The following LPCAT3 variants were observed in gnomAD, a reference collection of about 807,000 sequenced individuals.
The protein encoded by LPCAT3 is lysophosphatidylcholine acyltransferase 3, also known as lysophospholipid acyltransferase 5.
LPCAT3 carries 21 observed loss-of-function variants against 63.4 expected under a neutral mutation model. The ratio of observed to expected loss-of-function variants is 0.33; its 90% CI spans 0.23 to 0.48. The LOEUF is 0.48. Among genes scored for constraint, LPCAT3 ranks in the 20% least tolerant of loss-of-function variants. LPCAT3 has a pLI of 0.99. For missense variants in LPCAT3, 451 were observed against 590.6 expected (o/e 0.76, Z 2.45); for synonymous variants, 242 against 227.5 (o/e 1.06, Z -0.58).
intron 1 of LPCAT3, among the ~76,000 whole-genome samples, chr12:7,014,140 C>T (rs1946782752): frequency 6.6e-6 from 1 of 152,218 alleles, no homozygotes; most frequent in Non-Finnish European, 1.5e-5. Flanking sequence ...TCACAAAGCT[C>T]TGTACCTCTC....
chr12:6,979,419 C>T (rs1946446574), intron 7 of LPCAT3, 52 bp downstream of exon 7: 13 of 1,339,042 alleles, frequency 9.7e-6, no homozygotes, highest in Non-Finnish European at 1.4e-5. Flanking sequence ...CTTGCCTGTC[C>T]ATTTTCTAGC....
chr12:6,982,983 T>A, intron 2 of LPCAT3: 1 of 641,472 alleles, frequency 1.6e-6, no homozygotes, highest in African/African-American at 1.8e-5. Flanking sequence ...TTCTTTTCTT[T>A]TTTTGTTTGT....
At chr12:6,982,619 C>G in intron 3 of LPCAT3, 57 bp downstream of exon 3, 1 of 1,322,268 alleles carries the variant, frequency 7.6e-7, no homozygotes, top group Non-Finnish European at 1.1e-6. Context: ...CCTGCCTACC[C>G]CTGTCCCCTG....
At position 6,985,924 on chromosome 12, in the gene LPCAT3, G is replaced by A. The variant is rs992603417; in HGVS notation, c.152-2385C>T. ...CAAGTAGCTGGGATTACAGGTGCCC[G>A]CCACCATGCCCAGTGAATTTTTGTA... is the stretch of plus-strand genomic sequence containing the variant. On this transcript the variant is annotated intron_variant, in intron 1 of 12. Transcript: ENST00000261407. Among the ~76,000 whole-genome samples the A allele has an allele frequency of 1.9e-4, 29 of 151,688 alleles. No individual in the cohort carries two copies. In the East Asian group the frequency reaches 4.3e-3, roughly 23 times the overall value.
chr12:6,978,970 G>A (rs1555153696), intron 7 of LPCAT3: 2 of 419,986 alleles, frequency 4.8e-6, no homozygotes, highest in East Asian at 8.7e-5. Context: ...TTTGGAATGA[G>A]CATTTGGAAT....
rs1946788543 is a variant in LPCAT3 at position 7,014,936 on chromosome 12, T to G, written c.151+3338A>C. Among the ~76,000 whole-genome samples the G allele has an allele frequency of 2.0e-5, 3 of 151,614 alleles. No individual in the cohort carries two copies. The South Asian group carries it at 6.2e-4, about 31-fold the overall frequency. ...AAAATTGCAGCCTCTAACTCAAGAT[T>G]TTTCAAACTGTTGTAACTCATTAAC... On this transcript the variant is annotated intron_variant, in intron 1 of 12. Transcript: ENST00000261407.
chr12:7,011,647 C>CAAAAAAAAAAAA, intron 1 of LPCAT3, among the ~76,000 whole-genome samples: 1 of 75,732 alleles, frequency 1.3e-5, no homozygotes, highest in Non-Finnish European at 2.7e-5. Flanking sequence ...CACCATGTCT[C>CAAAAAAAAAAAA]AAAAAAAAAA....
At position 6,982,790 on chromosome 12, in the gene LPCAT3, CAAG is replaced by C; in HGVS notation, c.260-11_260-9del. On this transcript the variant is annotated splice_polypyrimidine_tract_variant and intron_variant, in intron 2 of 12. Coordinates refer to ENST00000261407, the MANE Select transcript of LPCAT3 (RefSeq NM_005768.6). ...AGTGGTAGAGCTGGTTTCCTGGATG[CAAG>C]AAGAGAGAATTTAGCCTGGTTTTTA... 1 of 1,592,584 alleles carries C rather than the reference CAAG, an allele frequency of 6.3e-7. No individual in the cohort carries two copies. Among genetic ancestry groups the C allele is most frequent in the Non-Finnish European group, 8.6e-7 (1 of 1,160,958 alleles).
intron 1 of LPCAT3, among the ~76,000 whole-genome samples, chr12:7,000,317 C>T (rs934277602): frequency 4.0e-5 from 6 of 151,494 alleles, no homozygotes; most frequent in South Asian, 2.1e-4. Flanking sequence ...TTTGGCCGGG[C>T]GCGGTGGCTC....
chr12:6,979,818 A>G, intron 6 of LPCAT3: 1 of 545,084 alleles, frequency 1.8e-6, no homozygotes. Flanking sequence ...CAGACAGTGG[A>G]CCAGTCTTGT....
At chr12:7,004,365 T>C (rs1364876207) in intron 1 of LPCAT3, among the ~76,000 whole-genome samples, 1 of 152,150 alleles carries the variant, frequency 6.6e-6, no homozygotes, top group Non-Finnish European at 1.5e-5. Context: ...GTAAACACTT[T>C]GTATGTATTA....
rs1555153595 is a variant in LPCAT3 at position 6,978,387 on chromosome 12, C to T, written c.994G>A (p.Gly332Ser). ...TTGATGTTGAATGAGGCAATGGTGC[C>T]AGTGAAGCGGGGGTTTGTTTCAAAG... ...WLFETNPRFT[G>S]TIASFNINTN... The change falls in exon 9 of 13, where the codon GGC (glycine) becomes AGC (serine). Residue 332 changes from glycine (G) to serine (S), a missense_variant. Transcript: ENST00000261407. 1 of 1,613,560 alleles carries T rather than the reference C, an allele frequency of 6.2e-7. No individual in the cohort carries two copies. Among genetic ancestry groups the T allele is most frequent in the East Asian group, 2.2e-5 (1 of 44,880 alleles).
chr12:6,978,456 C>T lies in LPCAT3; in HGVS notation c.925G>A (p.Gly309Ser). 1 of 1,614,126 alleles carries T rather than the reference C, an allele frequency of 6.2e-7. No individual in the cohort carries two copies. The highest frequency in any genetic ancestry group is 8.5e-7 in the Non-Finnish European group (1 of 1,180,010). ...GCACAGGCATCCCACTTTGCCTTGC[C>T]CTTTTCTTCAAAGCCATTGAAGCCC... ...GLGFNGFEEKGKAKWDACANM... is the reference protein window; with the variant it reads ...GLGFNGFEEKSKAKWDACANM... The change falls in exon 9 of 13, where the codon GGC becomes AGC. Residue 309 changes from glycine (G) to serine (S), a missense_variant. Physicochemically the swap from Gly to Ser is moderately conservative, Grantham distance 56 (BLOSUM62 0). Transcript: ENST00000261407.
At position 6,977,936 on chromosome 12, in the gene LPCAT3, G is replaced by A. The variant is rs1446123956; in HGVS notation, c.1041-191C>T. The A allele has an allele frequency of 3.1e-6, 2 of 647,260 alleles. No individual in the cohort carries two copies. The highest frequency in any genetic ancestry group is 5.2e-6 in the Non-Finnish European group (2 of 382,606). 40.1% of individuals were successfully genotyped at this position (647,260 alleles called of 1,614,324 possible). On this transcript the variant is annotated intron_variant, in intron 9 of 12. Transcript: ENST00000261407. The surrounding 1 kb of genome is among the most constrained non-coding windows in gnomAD (Gnocchi z 4.5). ...GGAAAGCAGACCCAAGGCGGAGCTGGAGACCGTGTGCGCACGAGCCACTTG... is the reference window on the plus strand; with the variant it reads ...GGAAAGCAGACCCAAGGCGGAGCTGAAGACCGTGTGCGCACGAGCCACTTG...
intron 2 of LPCAT3, chr12:6,983,073 C>T (rs983203074): frequency 3.1e-5 from 17 of 542,210 alleles, no homozygotes; most frequent in Admixed American, 5.0e-5. Context: ...CCTTGAATTC[C>T]GGGCTACCAC....
chr12:6,984,071 A>G (rs1333871850), intron 1 of LPCAT3, among the ~76,000 whole-genome samples: 1 of 152,214 alleles, frequency 6.6e-6, no homozygotes, highest in Non-Finnish European at 1.5e-5. Flanking sequence ...GCACTGTATT[A>G]TCAGATTATG....
rs1946804637 is a variant in LPCAT3 at position 7,017,648 on chromosome 12, T to C, written c.151+626A>G. On this transcript the variant is annotated intron_variant, in intron 1 of 12. Coordinates refer to ENST00000261407, the MANE Select transcript of LPCAT3 (RefSeq NM_005768.6). This position sits in a 1 kb window ranked among gnomAD's most constrained non-coding sequence, Gnocchi z 4.1. ...ATAGTATGGATCGATTTTAAGGAGG[T>C]TGTTAGTCCTGTTTCCCAAGTCCAG... Among the ~76,000 whole-genome samples, 1 of 152,026 alleles carries C rather than the reference T, an allele frequency of 6.6e-6. No individual in the cohort carries two copies. The highest frequency in any genetic ancestry group is 2.4e-5 in the African/African-American group (1 of 41,380).
Position 6,982,656 on chromosome 12 carries a change from G to C in LPCAT3, c.366+20C>G. On this transcript the variant is annotated intron_variant, in intron 3 of 12. Transcript: ENST00000261407. ...ACCGCTGTCAGCTGTAGCCTGAGCT[G>C]CTAAGGGAAAGACGTTTACCATCTG... 4 of 1,572,172 alleles carry C rather than the reference G, an allele frequency of 2.5e-6. No homozygotes were observed. Among genetic ancestry groups the C allele is most frequent in the Non-Finnish European group, 3.5e-6 (4 of 1,142,168 alleles).
intron 1 of LPCAT3, among the ~76,000 whole-genome samples, chr12:7,014,892 CAAAAA>C (rs375839002): frequency 3.5e-5 from 2 of 57,614 alleles, no homozygotes; most frequent in Non-Finnish European, 3.7e-5. Flanking sequence ...GACTCCGTCT[CAAAAA>C]AAAAAAAAAA....
Sources: gnomAD v4.1 joint callset for allele counts (sites outside exome capture counted in the v4.1 genomes callset) on GRCh38, gnomAD v4.1.1 for gene constraint, Gnocchi (gnomAD v3.1) non-coding constraint, MANE v1.5 for transcripts, NCBI Gene and HGNC (gene_info 2026-07-23, HGNC 2026-07-21) for gene names.